Variants in PRDM6 observed in about 807,000 individuals in gnomAD.
PRDM6 encodes PR/SET domain 6, also known as putative histone-lysine N-methyltransferase PRDM6.
Under a neutral mutation model 60.8 loss-of-function variants are expected in PRDM6, and 25 were observed. The ratio of observed to expected loss-of-function variants is 0.41; its 90% CI spans 0.30 to 0.57. PRDM6 has a LOEUF of 0.57. Ranked by LOEUF, PRDM6 falls within the 20% of genes least tolerant of loss-of-function variation. The pLI, the probability that PRDM6 is intolerant of heterozygous loss-of-function variation, is 0.27. For missense variants in PRDM6, 839 were observed against 821.3 expected (o/e 1.02, Z -0.26); for synonymous variants, 407 against 357.4 (o/e 1.14, Z -1.57).
At chr5:123,176,961 A>T (rs1231786754) in intron 6 of PRDM6, among the ~76,000 whole-genome samples, 1 of 152,198 alleles carries the variant, frequency 6.6e-6, no homozygotes, top group African/African-American at 2.4e-5. Flanking sequence ...AGTAATGACA[A>T]TTAATTGTGC....
At chr5:123,177,198 A>G (rs901381743) in intron 6 of PRDM6, among the ~76,000 whole-genome samples, 1 of 152,236 alleles carries the variant, frequency 6.6e-6, no homozygotes, top group African/African-American at 2.4e-5. Flanking sequence ...CACATAATCA[A>G]TTTTAAAATT....
chr5:123,185,101 T>C (rs1296669813), intron 7 of PRDM6, among the ~76,000 whole-genome samples: 1 of 152,212 alleles, frequency 6.6e-6, no homozygotes, highest in African/African-American at 2.4e-5. Context: ...AATGTGTTTT[T>C]CTCTTAGTGT....
chr5:123,120,233 AT>A (rs1764551126), intron 3 of PRDM6, among the ~76,000 whole-genome samples: 1 of 152,266 alleles, frequency 6.6e-6, no homozygotes, highest in Non-Finnish European at 1.5e-5. Flanking sequence ...AATGTGCATA[AT>A]TTAAAAATAT....
chr5:123,090,019 T>G lies in PRDM6; in HGVS notation c.5T>G (p.Leu2Arg). Residue 2 changes from leucine (L) to arginine (R), a missense_variant, in exon 2 of 8, where the codon CTG (leucine) becomes CGG (arginine). Coordinates refer to ENST00000407847, the MANE Select transcript of PRDM6 (RefSeq NM_001136239.4). ...CCCCAGTTCGAGGCGCCGGACATGC[T>G]GAAGCCCGGAGACCCCGGCGGTTCG... M[L>R]KPGDPGGSAF... 6.5e-7 allele frequency: 1 copy of G among 1,547,272 alleles called. No individual in the cohort carries two copies. The highest frequency in any genetic ancestry group is 8.7e-7 in the Non-Finnish European group (1 of 1,145,446).
chr5:123,167,226 A>T (rs1324246483), intron 5 of PRDM6, among the ~76,000 whole-genome samples: 1 of 151,782 alleles, frequency 6.6e-6, no homozygotes, highest in Non-Finnish European at 1.5e-5. Flanking sequence ...TCGTCACCCT[A>T]CTGATCTATC....
At position 123,150,943 on chromosome 5, in the gene PRDM6, A is replaced by G. The variant is rs1321782326; in HGVS notation, c.901-4941A>G. On this transcript the variant is annotated intron_variant, in intron 3 of 7. Coordinates refer to ENST00000407847, the MANE Select transcript of PRDM6 (RefSeq NM_001136239.4). ...CTTCAAAAAGCATGTAATATTTTTT[A>G]ATCCTAGTTGTTAATACTTAGAATC... Among the ~76,000 whole-genome samples, 3 of 152,232 alleles carry G rather than the reference A, an allele frequency of 2.0e-5. No individual in the cohort carries two copies. In the East Asian group the frequency reaches 5.8e-4, roughly 29 times the overall value.
chr5:123,182,822 T>C (rs891304866), intron 7 of PRDM6, among the ~76,000 whole-genome samples: 39 of 152,204 alleles, frequency 2.6e-4, no homozygotes, highest in Non-Finnish European at 5.4e-4. Context: ...AGTTGTTTTT[T>C]TTTATTTTAA....
intron 2 of PRDM6, among the ~76,000 whole-genome samples, chr5:123,097,164 CA>C (rs2150206622): frequency 6.6e-6 from 1 of 152,322 alleles, no homozygotes; most frequent in South Asian, 2.1e-4. Context: ...TGAAGTCAGA[CA>C]GTAACATTCA....
At chr5:123,121,067 A>G (rs1764569267) in intron 3 of PRDM6, among the ~76,000 whole-genome samples, 4 of 152,210 alleles carry the variant, frequency 2.6e-5, no homozygotes, top group Non-Finnish European at 5.9e-5. Flanking sequence ...TGTTTTTAAA[A>G]TGAAAATTAC....
At chr5:123,103,368 C>T (rs974189904) in intron 3 of PRDM6, among the ~76,000 whole-genome samples, 2 of 151,950 alleles carry the variant, frequency 1.3e-5, no homozygotes, top group Admixed American at 6.6e-5. Context: ...TAAAACAAAA[C>T]ATTACAAGGT....
chr5:123,113,877 C>G lies in PRDM6; in HGVS notation c.900+13916C>G, dbSNP rs542447758. 2.0e-5 allele frequency among the ~76,000 whole-genome samples: 3 copies of G among 152,314 alleles called. No homozygotes were observed. In the South Asian group the frequency reaches 6.2e-4, roughly 32 times the overall value. On this transcript the variant is annotated intron_variant, in intron 3 of 7. Coordinates refer to ENST00000407847, the MANE Select transcript of PRDM6 (RefSeq NM_001136239.4). ...CCTTGTGTTCCAGGGCCATGGGCTT[C>G]ATATTTATTATCCTAGAAAGTTTAA...
Position 123,090,294 on chromosome 5 carries a change from T to TCCTCCGCCTCCTCCG in PRDM6, c.285_286insGCCTCCTCCGCCTCC (p.Ser95_Cys96insAlaSerSerAlaSer). On this transcript the variant is annotated inframe_insertion, in exon 2 of 8. Transcript: ENST00000407847. ...CTCTTCCACCTCCGCCTCCTCCGCC[T>TCCTCCGCCTCCTCCG]CCTCCTGCGCTGCTGCGGCCGCTGC... is the stretch of plus-strand genomic sequence containing the variant. The TCCTCCGCCTCCTCCG allele has an allele frequency of 6.7e-7, 1 of 1,489,764 alleles. No individual in the cohort carries two copies. 92.3% of individuals were successfully genotyped at this position (1,489,764 alleles called of 1,614,324 possible).
chr5:123,091,422 C>T (rs1763839448), intron 2 of PRDM6, among the ~76,000 whole-genome samples: 1 of 152,204 alleles, frequency 6.6e-6, no homozygotes, highest in Non-Finnish European at 1.5e-5. Context: ...GCTTACTCCC[C>T]TCTTCCTCCA....
intron 3 of PRDM6, among the ~76,000 whole-genome samples, chr5:123,130,110 C>T (rs58840128): frequency 1.5e-4 from 7 of 46,998 alleles, no homozygotes; most frequent in Middle Eastern, 0.011. Flanking sequence ...CCTCCCCTCC[C>T]CTCCTCTCCC....
chr5:123,112,111 G>A (rs1423584445), intron 3 of PRDM6, among the ~76,000 whole-genome samples: 1 of 151,822 alleles, frequency 6.6e-6, no homozygotes, highest in African/African-American at 2.4e-5. Context: ...AAAACACTGC[G>A]TGTAAACTGC....
intron 3 of PRDM6, among the ~76,000 whole-genome samples, chr5:123,111,337 C>T (rs1175535494): frequency 6.6e-6 from 1 of 152,178 alleles, no homozygotes; most frequent in Non-Finnish European, 1.5e-5. Context: ...ACTCAGTGGT[C>T]CTGAATTGGG....
chr5:123,113,731 C>T (rs1764367558), intron 3 of PRDM6, among the ~76,000 whole-genome samples: 1 of 152,174 alleles, frequency 6.6e-6, no homozygotes, highest in South Asian at 2.1e-4. Flanking sequence ...TCAGCTGACC[C>T]TGGCCTCTGG....
intron 3 of PRDM6, among the ~76,000 whole-genome samples, chr5:123,124,125 A>T (rs1764642974): frequency 6.6e-6 from 1 of 152,214 alleles, no homozygotes; most frequent in Admixed American, 6.5e-5. Context: ...TGTTGAAGGC[A>T]AGTTGGGTTG....
chr5:123,142,213 G>C (rs1196085348), intron 3 of PRDM6, among the ~76,000 whole-genome samples: 1 of 152,142 alleles, frequency 6.6e-6, no homozygotes, highest in African/African-American at 2.4e-5. Context: ...CAACAGTCAA[G>C]TACTTATATT....
Sources: gnomAD v4.1 joint callset for allele counts (sites outside exome capture counted in the v4.1 genomes callset) on GRCh38, gnomAD v4.1.1 for gene constraint, MANE v1.5 for transcripts, NCBI Gene and HGNC (gene_info 2026-07-23, HGNC 2026-07-21) for gene names.